The following OTUD7B variants were observed in gnomAD, a reference collection of about 807,000 sequenced individuals.
OTUD7B encodes OTU deubiquitinase 7B, also known as OTU domain-containing protein 7B.
In OTUD7B, 34 loss-of-function variants were observed where a neutral mutation model predicts 82.2. The observed-to-expected ratio is 0.41, with a 90% CI of 0.31 to 0.55. The LOEUF is 0.55. Ranked by LOEUF, OTUD7B falls within the 20% of genes least tolerant of loss-of-function variation. The pLI is 0.20. For synonymous variants in OTUD7B, 398 were observed against 402.7 expected, an observed-to-expected ratio of 0.99 and a Z score of 0.14; for missense variants, 944 against 1,062.1, an observed-to-expected ratio of 0.89 and a Z score of 1.55.
At chr1:149,966,709 C>G (rs189375316) in intron 4 of OTUD7B, among the ~76,000 whole-genome samples, 1 of 151,562 alleles carries the variant, frequency 6.6e-6, no homozygotes, top group Non-Finnish European at 1.5e-5. Flanking sequence ...GATAATTTAC[C>G]AACTTAAAAA....
chr1:149,956,398 A>T lies in OTUD7B; in HGVS notation c.845+3286T>A, dbSNP rs587625889. Reference sequence around the variant, plus strand: ...TCTGGCTTGCAGAGTTTCTGCCGAGAGATCTGCTGTTAGTCTGATGGGCTT... The same window carrying T: ...TCTGGCTTGCAGAGTTTCTGCCGAGTGATCTGCTGTTAGTCTGATGGGCTT... On this transcript the variant is annotated intron_variant, in intron 7 of 11. Transcript: ENST00000581312. 9.2e-5 allele frequency among the ~76,000 whole-genome samples: 14 copies of T among 152,166 alleles called. No individual in the cohort carries two copies. In the South Asian group the frequency reaches 2.7e-3, roughly 29 times the overall value.
chr1:150,064,116 T>C, the OTUD7B span, among the ~76,000 whole-genome samples: 1 of 152,218 alleles, frequency 6.6e-6, no homozygotes, highest in East Asian at 1.9e-4. Flanking sequence ...CTAAAACATG[T>C]TTACCTTTTG....
chr1:150,007,811 G>A (rs1469003603), intron 1 of OTUD7B, among the ~76,000 whole-genome samples: 1 of 152,256 alleles, frequency 6.6e-6, no homozygotes, highest in Non-Finnish European at 1.5e-5. Context: ...ATTTATCAGA[G>A]GCTACAAAAA....
intron 8 of OTUD7B, 25 bp downstream of exon 8, chr1:149,950,069 A>G: frequency 6.2e-7 from 1 of 1,612,878 alleles, no homozygotes; most frequent in Non-Finnish European, 8.5e-7. Context: ...CTCAGCATGG[A>G]GTGAGGACTG....
chr1:150,015,123 T>G (rs976040575), upstream of OTUD7B, among the ~76,000 whole-genome samples: 2 of 152,166 alleles, frequency 1.3e-5, no homozygotes, highest in African/African-American at 2.4e-5. Flanking sequence ...AATGAATGAA[T>G]GAATGAATTG....
chr1:150,059,374 CTT>C, the OTUD7B span, among the ~76,000 whole-genome samples: 1 of 117,854 alleles, frequency 8.5e-6, no homozygotes. Context: ...CATATTCTTT[CTT>C]TTTTTTTTTT....
At chr1:150,047,079 AAC>A in the OTUD7B span, among the ~76,000 whole-genome samples, 3,316 of 152,044 alleles carry the variant, frequency 0.022, 107 homozygotes, top group African/African-American at 0.073. Flanking sequence ...TTGGAAAAAA[AAC>A]AAAGTCAATA....
At chr1:149,999,415 G>A (rs1390686116) in intron 1 of OTUD7B, among the ~76,000 whole-genome samples, 3 of 152,160 alleles carry the variant, frequency 2.0e-5, no homozygotes, top group Non-Finnish European at 4.4e-5. Context: ...CAGGGACCAA[G>A]TATTGTTCAT....
Position 149,944,626 on chromosome 1 carries a change from T to C in OTUD7B, c.1763A>G (p.Tyr588Cys), listed in dbSNP as rs1647555447. Residue 588 changes from tyrosine (Y) to cysteine (C), a missense_variant, in exon 12 of 12, where the codon TAT becomes TGT. Transcript: ENST00000581312. ...AESVGNGGSK[Y>C]SQEVMQSLSI... ...CAGGCTCTGCATCACCTCCTGGCTA[T>C]ACTTGCTCCCTCCGTTACCAACAGA... 3.1e-6 allele frequency: 5 copies of C among 1,614,090 alleles called. No homozygotes were observed. The highest frequency in any genetic ancestry group is 4.2e-6 in the Non-Finnish European group (5 of 1,180,018).
At chr1:149,990,183 A>G (rs782740589) in intron 1 of OTUD7B, among the ~76,000 whole-genome samples, 4 of 152,266 alleles carry the variant, frequency 2.6e-5, no homozygotes, top group Non-Finnish European at 4.4e-5. Context: ...GAAGAGATAT[A>G]GAAGCAACCA....
At chr1:149,967,024 AT>A (rs67015093) in intron 4 of OTUD7B, among the ~76,000 whole-genome samples, 7,511 of 152,096 alleles carry the variant, frequency 0.049, 642 homozygotes, top group African/African-American at 0.17. Context: ...AATTAGTTGT[AT>A]TTTTTTCATG....
intron 7 of OTUD7B, 111 bp from the exon 8 acceptor site, chr1:149,950,332 CCTGG>C: frequency 9.1e-7 from 1 of 1,094,168 alleles, no homozygotes; most frequent in Non-Finnish European, 1.3e-6. Flanking sequence ...AATGTCCTTT[CCTGG>C]TTTTCCAATC....
chr1:149,961,449 C>A (rs1418521515), intron 6 of OTUD7B: 1 of 152,330 alleles, frequency 6.6e-6, no homozygotes, highest in Non-Finnish European at 1.5e-5. Flanking sequence ...CTCCACCTCC[C>A]AGGTTCAAGC....
chr1:149,967,290 T>C lies in OTUD7B; in HGVS notation c.502+4A>G. 10 of 1,606,094 alleles carry C rather than the reference T, an allele frequency of 6.2e-6. No homozygotes were observed. Among genetic ancestry groups the C allele is most frequent in the Non-Finnish European group, 8.5e-6 (10 of 1,173,156 alleles). ...AGAGTGTGGGAGAGGAAGCACTCAC[T>C]GACCTGCCTGTTCCAAGGCAACCAG... On this transcript the variant is annotated splice_donor_region_variant and intron_variant, in intron 4 of 11. Coordinates refer to ENST00000581312, the MANE Select transcript of OTUD7B (RefSeq NM_020205.4).
chr1:150,023,107 G>A, the OTUD7B span, among the ~76,000 whole-genome samples: 2 of 152,260 alleles, frequency 1.3e-5, no homozygotes, highest in South Asian at 2.1e-4. Context: ...GTCACTAGAC[G>A]ACCCAGAATA....
At position 149,978,333 on chromosome 1, in the gene OTUD7B, C is replaced by T. The variant is rs182025103; in HGVS notation, c.-66-757G>A. The stretch of plus-strand genomic sequence containing the variant: ...ACCAGCCTGGCCAACATGGCGAAAC[C>T]CTGTTTCTACTAAAAATACAAAAAT... On this transcript the variant is annotated intron_variant, in intron 1 of 11. Coordinates refer to ENST00000581312, the MANE Select transcript of OTUD7B (RefSeq NM_020205.4). Among the ~76,000 whole-genome samples the T allele has an allele frequency of 3.0e-3, 464 of 152,230 alleles. 1 individual carries two copies. Among genetic ancestry groups the T allele is most frequent in the African/African-American group, 0.01 (424 of 41,512 alleles).
At chr1:150,027,776 T>A in the OTUD7B span, among the ~76,000 whole-genome samples, 1 of 152,082 alleles carries the variant, frequency 6.6e-6, no homozygotes, top group Non-Finnish European at 1.5e-5. Context: ...AAATATTTCT[T>A]TTCTTTATTA....
chr1:149,945,425 T>A (rs587634491), intron 11 of OTUD7B, among the ~76,000 whole-genome samples: 1 of 152,212 alleles, frequency 6.6e-6, no homozygotes, highest in Non-Finnish European at 1.5e-5. Context: ...AGCAACCATA[T>A]GATACGTGGC....
At chr1:149,997,521 C>T (rs587742236) in intron 1 of OTUD7B, among the ~76,000 whole-genome samples, 2 of 152,236 alleles carry the variant, frequency 1.3e-5, no homozygotes, top group East Asian at 1.9e-4. Context: ...CTCAAGCAAG[C>T]CTACCTTCTT....
Sources: gnomAD v4.1 joint callset for allele counts (sites outside exome capture counted in the v4.1 genomes callset) on GRCh38, gnomAD v4.1.1 for gene constraint, MANE v1.5 for transcripts, NCBI Gene and HGNC (gene_info 2026-07-23, HGNC 2026-07-21) for gene names.